Variants in RGMA observed in about 807,000 individuals in gnomAD.
RGMA encodes the protein repulsive guidance molecule A.
RGMA carries 10 observed loss-of-function variants against 23.2 expected under a neutral mutation model. The ratio of observed to expected loss-of-function variants is 0.43; its 90% CI spans 0.27 to 0.73. The LOEUF is 0.73. Among genes scored for constraint, RGMA ranks in the 30% least tolerant of loss-of-function variants. The pLI is 0.20. For synonymous variants in RGMA, 308 were observed against 279.3 expected (o/e 1.10, Z -1.03); for missense variants, 547 against 630.5 (o/e 0.87, Z 1.42).
At chr15:93,073,178 C>T (rs919270562) in intron 1 of RGMA, 147 bp from the exon 2 acceptor site, 1 of 1,236,590 alleles carries the variant, frequency 8.1e-7, no homozygotes, top group Admixed American at 4.4e-5. Flanking sequence ...CGCGCCGCCC[C>T]CCGCGCGCCC....
chr15:93,072,742 C>G (rs1230101715), intron 2 of RGMA, among the ~76,000 whole-genome samples, 174 bp downstream of exon 2: 1 of 152,124 alleles, frequency 6.6e-6, no homozygotes, highest in Non-Finnish European at 1.5e-5. Flanking sequence ...TCCCCAAGGG[C>G]AGGCATCGCA....
chr15:93,087,463 G>A (rs1223152107), intron 1 of RGMA, among the ~76,000 whole-genome samples: 1 of 1,102 alleles, frequency 9.1e-4, no homozygotes, highest in Non-Finnish European at 2.2e-3. Flanking sequence ...CTTTGTATGT[G>A]CAAAAAAAAA....
At chr15:93,074,261 T>C (rs1485619033) in intron 1 of RGMA, 1 of 176,016 alleles carries the variant, frequency 5.7e-6, no homozygotes, top group Admixed American at 5.4e-5. Context: ...TGGAGGTTTC[T>C]CTTAAGCACT....
intron 1 of RGMA, among the ~76,000 whole-genome samples, chr15:93,075,572 T>C (rs79364327): frequency 3.6e-4 from 47 of 130,604 alleles, no homozygotes; most frequent in African/African-American, 1.2e-3. Flanking sequence ...AGCCTGAGAA[T>C]TTTTTTTTTT....
Position 93,044,941 on chromosome 15 carries a change from C to A in RGMA, c.*57G>T. The A allele has an allele frequency of 6.9e-7, 1 of 1,441,586 alleles. No homozygotes were observed. Among genetic ancestry groups the A allele is most frequent in the Non-Finnish European group, 9.4e-7 (1 of 1,065,426 alleles). The allele number at this position is 1,441,586 out of a possible 1,614,324, so 89.3% of individuals were successfully genotyped here. On this transcript the variant is annotated 3_prime_UTR_variant, in exon 4 of 4. Transcript: ENST00000329082. ...ATCTGCACCCCGTGGGCGGTCCCAG[C>A]CCACACATGGGGAAGCCGAGAGGAC... is the stretch of plus-strand genomic sequence containing the variant.
chr15:93,058,702 G>T lies in RGMA; in HGVS notation c.131-6195C>A, dbSNP rs192714578. Among the ~76,000 whole-genome samples, 71 of 151,726 alleles carry T rather than the reference G, an allele frequency of 4.7e-4. 1 individual carries two copies. The highest frequency in any genetic ancestry group is 9.1e-4 in the Non-Finnish European group (62 of 67,904). The stretch of plus-strand genomic sequence containing the variant: ...CACCCCACCCTCAGGTACCCTGAAG[G>T]GGGCAAGGTGCAAACCACAGCCCTC... On this transcript the variant is annotated intron_variant, in intron 2 of 3. Transcript: ENST00000329082.
Position 93,041,902 on chromosome 15 carries a change from C to G in RGMA, c.*3096G>C, listed in dbSNP as rs190779507. 2.0e-5 allele frequency: 3 copies of G among 152,328 alleles called. No individual in the cohort carries two copies. The highest frequency in any genetic ancestry group is 2.0e-4 in the Admixed American group (3 of 15,298). The allele number at this position is 152,328 out of a possible 1,614,324, so 9.4% of individuals were successfully genotyped here. A position where few individuals can be genotyped will look rare whatever the true frequency, so the allele number is the denominator to read the frequency against. On this transcript the variant is annotated 3_prime_UTR_variant, in exon 4 of 4. Coordinates refer to ENST00000329082, the MANE Select transcript of RGMA (RefSeq NM_020211.3). ...TTTGGCCGGGCACGGTGGTGGCTCACGCCTGTAATCCCAACACTTTGGGAG... is the reference window on the plus strand; with the variant it reads ...TTTGGCCGGGCACGGTGGTGGCTCAGGCCTGTAATCCCAACACTTTGGGAG...
chr15:93,072,977 T>G lies in RGMA; in HGVS notation c.69A>C (p.Ala23=), dbSNP rs1268322401. ...GCCAGAATCCCAGGGCTGAACGTCC[T>G]GCCCCTCTCCCCATACCCATCCATC... The part of the protein sequence containing the change: ...RAGWMGMGRG[A]GRSALGFWPT... The change falls in exon 2 of 4, where the codon GCA becomes GCC. Residue 23 remains alanine, a synonymous_variant. Coordinates refer to ENST00000329082, the MANE Select transcript of RGMA (RefSeq NM_020211.3). 4 of 1,611,266 alleles carry G rather than the reference T, an allele frequency of 2.5e-6. No homozygotes were observed. The highest frequency in any genetic ancestry group is 2.5e-6 in the Non-Finnish European group (3 of 1,179,048).
intron 2 of RGMA, among the ~76,000 whole-genome samples, chr15:93,070,624 G>A (rs562424724): frequency 1.1e-3 from 166 of 152,306 alleles, no homozygotes; most frequent in Non-Finnish European, 6.3e-4. Context: ...CATTTCTAGA[G>A]CACACAAGTT....
In RGMA at chr15:93,044,750, G is replaced by A; in HGVS notation, c.*248C>T. 1 of 561,160 alleles carries A rather than the reference G, an allele frequency of 1.8e-6. No individual in the cohort carries two copies. The highest frequency in any genetic ancestry group is 3.2e-6 in the Non-Finnish European group (1 of 315,198). The allele number at this position is 561,160 out of a possible 1,614,324, so 34.8% of individuals were successfully genotyped here. On this transcript the variant is annotated 3_prime_UTR_variant, in exon 4 of 4. Transcript: ENST00000329082. ...TTCACACATTCACACTGCAGGGGCG[G>A]GGCGAGGGGAGCTGCTCTCCCTCTC... is the stretch of plus-strand genomic sequence containing the variant.
intron 2 of RGMA, among the ~76,000 whole-genome samples, chr15:93,061,751 T>G (rs1241720214): frequency 6.6e-6 from 1 of 152,124 alleles, no homozygotes; most frequent in African/African-American, 2.4e-5. Flanking sequence ...ATGAAAATAT[T>G]TATGCACCAA....
In RGMA at chr15:93,045,427, G is replaced by A. The variant is rs61733836; in HGVS notation, c.924C>T (p.Asp308=). ...GCAGGCAGAGGTAGAGACCCTGGCTGTCCCAGTCCTCCACAGCATTGACCA... is the reference window on the plus strand; with the variant it reads ...GCAGGCAGAGGTAGAGACCCTGGCTATCCCAGTCCTCCACAGCATTGACCA... ...EEVVNAVEDW[D]SQGLYLCLRG... is the part of the protein sequence containing the mutation. Residue 308 remains aspartate, a synonymous_variant, in exon 4 of 4, where the codon GAC becomes GAT. Coordinates refer to ENST00000329082, the MANE Select transcript of RGMA (RefSeq NM_020211.3). This position sits in a 1 kb window ranked among gnomAD's most constrained non-coding sequence, Gnocchi z 6.9. 1.3e-3 allele frequency: 2,031 copies of A among 1,613,156 alleles called. 20 individuals are homozygous for A. The African/African-American group carries it at 0.024, about 19-fold the overall frequency.
At chr15:93,064,200 A>G (rs10852188) in intron 2 of RGMA, among the ~76,000 whole-genome samples, 94,244 of 152,172 alleles carry the variant, frequency 0.62, 29,584 homozygotes, top group East Asian at 0.89. Context: ...AGGCAAGAGG[A>G]GCCCTAGGCT....
At chr15:93,088,286 G>C in intron 1 of RGMA, 1 of 985,518 alleles carries the variant, frequency 1.0e-6, no homozygotes, top group Non-Finnish European at 1.2e-6. Context: ...TGTACCCTGG[G>C]TTGAGCTGCG....
intron 1 of RGMA, chr15:93,088,342 G>C: frequency 1.0e-6 from 1 of 985,552 alleles, no homozygotes; most frequent in Middle Eastern, 5.2e-4. Flanking sequence ...CGTCCACTTA[G>C]GAAAGCCGGG....
At chr15:93,047,179 G>A (rs533308743) in intron 3 of RGMA, among the ~76,000 whole-genome samples, 1 of 152,220 alleles carries the variant, frequency 6.6e-6, no homozygotes, top group Admixed American at 6.5e-5. Context: ...AGGAGGGCCG[G>A]TGGCCAGGGG....
In RGMA at chr15:93,037,635, A is replaced by G. The variant is rs2054675370; in HGVS notation, c.*7363T>C. ...AGCTGACGCTGGCCTTGTTGCACAGATGGAGCTCAGAGTGAGCTCAAAACC... is the reference window on the plus strand; with the variant it reads ...AGCTGACGCTGGCCTTGTTGCACAGGTGGAGCTCAGAGTGAGCTCAAAACC... On this transcript the variant is annotated 3_prime_UTR_variant, in exon 4 of 4. Transcript: ENST00000329082. The surrounding 1 kb of genome is among the most constrained non-coding windows in gnomAD (Gnocchi z 4.3). The G allele has an allele frequency of 6.6e-6, 1 of 152,262 alleles. No individual in the cohort carries two copies. The highest frequency in any genetic ancestry group is 1.5e-5 in the Non-Finnish European group (1 of 68,058). 9.4% of individuals were successfully genotyped at this position (152,262 alleles called of 1,614,324 possible).
intron 3 of RGMA, among the ~76,000 whole-genome samples, chr15:93,046,840 T>G (rs4424872): frequency 1.3e-5 from 2 of 152,010 alleles, no homozygotes; most frequent in Non-Finnish European, 2.9e-5. Flanking sequence ...TCCTTTCTGC[T>G]GGAGCCTGTG....
At chr15:93,051,723 T>G (rs555454844) in intron 3 of RGMA, among the ~76,000 whole-genome samples, 4 of 152,278 alleles carry the variant, frequency 2.6e-5, no homozygotes, top group African/African-American at 9.6e-5. Context: ...GACTACGCAC[T>G]TGGGGTGGGA....
Sources: gnomAD v4.1 joint callset for allele counts (sites outside exome capture counted in the v4.1 genomes callset) on GRCh38, gnomAD v4.1.1 for gene constraint, Gnocchi (gnomAD v3.1) non-coding constraint, MANE v1.5 for transcripts, NCBI Gene and HGNC (gene_info 2026-07-23, HGNC 2026-07-21) for gene names.